Variants in COL28A1 observed in about 807,000 individuals in gnomAD.
COL28A1 encodes collagen type XXVIII alpha 1 chain, also known as collagen alpha-1(XXVIII) chain.
A neutral mutation model predicts 150.2 loss-of-function variants in COL28A1; 161 were observed. That is an observed-to-expected ratio of 1.07 (90% CI 0.94 to 1.22). COL28A1 has a LOEUF of 1.22. COL28A1 is among the 50% of genes most tolerant of loss of function. COL28A1 has a pLI of 0.00. For synonymous variants in COL28A1, 552 were observed against 469.7 expected (o/e 1.18, Z -2.26); for missense variants, 1,617 against 1,388.3 (o/e 1.16, Z -2.62).
chr7:7,443,044 A>G (rs1785935770), intron 20 of COL28A1, among the ~76,000 whole-genome samples: 1 of 152,082 alleles, frequency 6.6e-6, no homozygotes, highest in Admixed American at 6.5e-5. Flanking sequence ...CAAAAAAAAA[A>G]AAAAAATTGC....
At chr7:7,452,540 C>T (rs1786787104) in intron 17 of COL28A1, among the ~76,000 whole-genome samples, 153 bp from the exon 18 acceptor site, 1 of 152,168 alleles carries the variant, frequency 6.6e-6, no homozygotes, top group Non-Finnish European at 1.5e-5. Flanking sequence ...GATGGATTTG[C>T]ACCAGATTTG....
intron 3 of COL28A1, among the ~76,000 whole-genome samples, chr7:7,524,919 AAAAAG>A (rs1454817102): frequency 1.3e-5 from 2 of 152,196 alleles, no homozygotes; most frequent in African/African-American, 2.4e-5. Flanking sequence ...ACAGAAGCCA[AAAAAG>A]ATACTCAGCT....
chr7:7,485,170 A>T (rs1351376823), intron 13 of COL28A1, among the ~76,000 whole-genome samples: 1 of 152,146 alleles, frequency 6.6e-6, no homozygotes, highest in Non-Finnish European at 1.5e-5. Flanking sequence ...TAGTAACCAC[A>T]AAAAAAGAAA....
At chr7:7,362,250 A>ATTCTTTC (rs1554258732) in intron 33 of COL28A1, among the ~76,000 whole-genome samples, 3 of 151,688 alleles carry the variant, frequency 2.0e-5, no homozygotes, top group African/African-American at 7.3e-5. Context: ...GAATAATTAT[A>ATTCTTTC]TTCTTTTGCA....
the COL28A1 span, among the ~76,000 whole-genome samples, chr7:7,344,525 A>T: frequency 2.0e-5 from 3 of 152,104 alleles, no homozygotes; most frequent in African/African-American, 7.2e-5. Context: ...ATATAGTTTC[A>T]TTTACCTCCA....
chr7:7,490,682 G>C (rs1193529543), intron 11 of COL28A1, 36 bp from the exon 12 acceptor site: 3 of 904,080 alleles, frequency 3.3e-6, no homozygotes, highest in Non-Finnish European at 5.6e-6. Flanking sequence ...TTATATGTTA[G>C]GTCGACTCAA....
intron 5 of COL28A1, among the ~76,000 whole-genome samples, 167 bp downstream of exon 5, chr7:7,521,738 A>C (rs1781736079): frequency 6.6e-6 from 1 of 152,230 alleles, no homozygotes; most frequent in Admixed American, 6.5e-5. Flanking sequence ...CTAAGGATAG[A>C]ATGTGTCCCT....
intron 19 of COL28A1, among the ~76,000 whole-genome samples, chr7:7,443,949 T>A (rs115593231): frequency 0.023 from 3,402 of 148,638 alleles, 110 homozygotes; most frequent in African/African-American, 0.072. Flanking sequence ...GTAGATTTTT[T>A]AAAAAACAGG....
the COL28A1 span, among the ~76,000 whole-genome samples, chr7:7,340,186 T>A: frequency 2.6e-5 from 4 of 152,106 alleles, no homozygotes; most frequent in African/African-American, 9.7e-5. Context: ...GAGACAGGTT[T>A]CACCATGGTA....
chr7:7,352,629 T>C (rs1053446021), downstream of COL28A1, among the ~76,000 whole-genome samples: 1 of 152,170 alleles, frequency 6.6e-6, no homozygotes, highest in Non-Finnish European at 1.5e-5. Flanking sequence ...CCTTTAGATG[T>C]TGGAAAAGAC....
chr7:7,532,954 G>T, intron 1 of COL28A1, 42 bp from the exon 2 acceptor site: 3 of 1,422,468 alleles, frequency 2.1e-6, no homozygotes, highest in Non-Finnish European at 2.8e-6. Context: ...AATAAAATAT[G>T]GTGTTTGTTA....
the COL28A1 span, among the ~76,000 whole-genome samples, chr7:7,543,680 C>T: frequency 6.6e-6 from 1 of 151,986 alleles, no homozygotes; most frequent in African/African-American, 2.4e-5. Context: ...CAAGTACACA[C>T]ACAATAGTAA....
chr7:7,387,173 G>A (rs1473086234), intron 27 of COL28A1, among the ~76,000 whole-genome samples: 2 of 152,074 alleles, frequency 1.3e-5, no homozygotes, highest in African/African-American at 4.8e-5. Context: ...CCTTTTGAAG[G>A]AAACAGAATA....
At chr7:7,445,720 T>C (rs1424490359) in intron 18 of COL28A1, among the ~76,000 whole-genome samples, 11 of 152,058 alleles carry the variant, frequency 7.2e-5, no homozygotes, top group Non-Finnish European at 1.5e-4. Context: ...TGGAAAATAA[T>C]TGAAAGCAAC....
In COL28A1 at chr7:7,432,744, A is replaced by G. The variant is rs1785065799; in HGVS notation, c.1861-44T>C. 2.7e-6 allele frequency: 4 copies of G among 1,484,046 alleles called. No individual in the cohort carries two copies. In the Admixed American group the frequency reaches 6.7e-5, roughly 25 times the overall value. The allele number at this position is 1,484,046 out of a possible 1,614,324, so 91.9% of individuals were successfully genotyped here. ...CAGTGATATCATGAGACTCAACTAG[A>G]AAACACCTGGTCAAACTTAAGCATA... On this transcript the variant is annotated intron_variant, in intron 23 of 34. Transcript: ENST00000399429.
intron 18 of COL28A1, among the ~76,000 whole-genome samples, chr7:7,450,925 A>G (rs1786643285): frequency 6.6e-6 from 1 of 152,234 alleles, no homozygotes; most frequent in South Asian, 2.1e-4. Flanking sequence ...AGAATGATAT[A>G]TCATGTAAAG....
At chr7:7,519,130 G>C (rs1484478623) in intron 6 of COL28A1, among the ~76,000 whole-genome samples, 1 of 152,198 alleles carries the variant, frequency 6.6e-6, no homozygotes, top group Non-Finnish European at 1.5e-5. Flanking sequence ...TGGACTCACA[G>C]TTCCACAGTG....
chr7:7,473,513 C>A (rs1483144431), intron 15 of COL28A1, among the ~76,000 whole-genome samples: 1 of 152,010 alleles, frequency 6.6e-6, no homozygotes. Context: ...CAAGAATGGC[C>A]ATAATCAAGA....
chr7:7,424,448 C>T (rs960024757), intron 25 of COL28A1, among the ~76,000 whole-genome samples: 4 of 152,224 alleles, frequency 2.6e-5, no homozygotes, highest in South Asian at 2.1e-4. Flanking sequence ...CTAAGAAGTG[C>T]GTTGACCTGT....
Sources: allele counts gnomAD v4.1 joint callset (sites outside exome capture counted in the v4.1 genomes callset), GRCh38; gene constraint gnomAD v4.1.1; transcripts MANE v1.5; gene names NCBI Gene and HGNC (gene_info 2026-07-23, HGNC 2026-07-21).